Variants in MBNL1 observed in about 807,000 individuals in gnomAD.
MBNL1 encodes muscleblind-like protein 1.
MBNL1 carries 8 observed loss-of-function variants against 42.2 expected under a neutral mutation model. The observed-to-expected ratio is 0.19, with a 90% CI of 0.11 to 0.34. The LOEUF is 0.34. Ranked by LOEUF, MBNL1 falls within the 10% of genes least tolerant of loss-of-function variation. The pLI is 1.00. For synonymous variants in MBNL1, 169 were observed against 173.9 expected (o/e 0.97, Z 0.22); for missense variants, 309 against 495.3 (o/e 0.62, Z 3.57).
chr3:152,259,746 C>A (rs1312867344), intron 2 of MBNL1, among the ~76,000 whole-genome samples: 1 of 152,168 alleles, frequency 6.6e-6, no homozygotes, highest in Admixed American at 6.5e-5. Flanking sequence ...TTTCATGCAA[C>A]TAGTAATAGA....
intron 2 of MBNL1, among the ~76,000 whole-genome samples, chr3:152,250,060 C>A (rs1321694044): frequency 1.3e-5 from 2 of 151,714 alleles, no homozygotes; most frequent in South Asian, 2.1e-4. Flanking sequence ...TGTGATGCCT[C>A]CAGCTTTGTT....
intron 2 of MBNL1, among the ~76,000 whole-genome samples, chr3:152,393,116 C>T (rs1013417318): frequency 6.6e-6 from 1 of 152,178 alleles, no homozygotes; most frequent in African/African-American, 2.4e-5. Flanking sequence ...TGTTCTCTCA[C>T]CCAGCCCTCC....
chr3:152,379,220 G>C (rs2097070013), intron 2 of MBNL1, among the ~76,000 whole-genome samples: 1 of 152,122 alleles, frequency 6.6e-6, no homozygotes, highest in Non-Finnish European at 1.5e-5. Context: ...CAAATTGATA[G>C]ACTCTACACT....
At chr3:152,298,668 C>G (rs2059602327) in intron 1 of MBNL1, among the ~76,000 whole-genome samples, 1 of 152,170 alleles carries the variant, frequency 6.6e-6, no homozygotes, top group Admixed American at 6.5e-5. Flanking sequence ...GACAAAGTGT[C>G]TGCGGGCTCA....
At chr3:152,452,139 A>G (rs370043804) in intron 6 of MBNL1, among the ~76,000 whole-genome samples, 9 of 152,210 alleles carry the variant, frequency 5.9e-5, no homozygotes, top group East Asian at 3.8e-4. Context: ...TGTCTTTTCA[A>G]ATTTCGATAT....
chr3:152,457,370 A>G (rs1735706697), intron 8 of MBNL1, among the ~76,000 whole-genome samples: 1 of 152,256 alleles, frequency 6.6e-6, no homozygotes, highest in African/African-American at 2.4e-5. Flanking sequence ...GTGTCAGATG[A>G]AAATGAACAT....
rs564972213 is a variant in MBNL1, at chr3:152,398,218, A to G, written c.175-16723A>G. On this transcript the variant is annotated intron_variant, in intron 2 of 9. Coordinates refer to ENST00000324210, the MANE Select transcript of MBNL1 (RefSeq NM_021038.5). ...GAGACTGGGCCCTATTTTGGATAAC[A>G]TAGAACTTAGTCACTCAATTATGAT... Among the ~76,000 whole-genome samples, 29 of 152,274 alleles carry G rather than the reference A, an allele frequency of 1.9e-4. 1 individual carries two copies. The South Asian group carries it at 5.0e-3, about 26-fold the overall frequency.
At chr3:152,382,740 T>C (rs1387085488) in intron 2 of MBNL1, among the ~76,000 whole-genome samples, 1 of 152,164 alleles carries the variant, frequency 6.6e-6, no homozygotes, top group Non-Finnish European at 1.5e-5. Flanking sequence ...TTTACACTGG[T>C]TGCCCTAGCA....
chr3:152,256,413 C>G (rs2035452368), intron 2 of MBNL1, among the ~76,000 whole-genome samples: 1 of 152,136 alleles, frequency 6.6e-6, no homozygotes, highest in Non-Finnish European at 1.5e-5. Context: ...ACAGAAACAA[C>G]TATATTTTAG....
intron 3 of MBNL1, among the ~76,000 whole-genome samples, chr3:152,419,850 T>C (rs745926938): frequency 1.1e-4 from 16 of 152,138 alleles, no homozygotes; most frequent in Non-Finnish European, 2.1e-4. Context: ...CCCAACAAGC[T>C]AAGATCCTGC....
chr3:152,424,622 A>G (rs1322491201), intron 3 of MBNL1, among the ~76,000 whole-genome samples: 1 of 152,198 alleles, frequency 6.6e-6, no homozygotes, highest in Non-Finnish European at 1.5e-5. Context: ...TGTATAGCCA[A>G]GACAATCCTA....
upstream of MBNL1, chr3:152,264,906 AT>A (rs1204443583): frequency 7.9e-5 from 12 of 152,168 alleles, no homozygotes; most frequent in African/African-American, 2.9e-4. Context: ...AATATATTGT[AT>A]TATATATCAA....
At chr3:152,343,590 A>G (rs1443004404) in intron 2 of MBNL1, among the ~76,000 whole-genome samples, 2 of 152,156 alleles carry the variant, frequency 1.3e-5, no homozygotes, top group African/African-American at 4.8e-5. Flanking sequence ...CCAAGCCATC[A>G]AAGGGGTTAG....
intron 2 of MBNL1, chr3:152,396,045 G>A (rs567336648): frequency 2.9e-4 from 48 of 162,824 alleles, no homozygotes; most frequent in Admixed American, 1.5e-3. Context: ...CAGTGACAAC[G>A]TGTTGGATTC....
intron 8 of MBNL1, 124 bp downstream of exon 8, chr3:152,456,485 G>A: frequency 1.3e-6 from 1 of 760,092 alleles, no homozygotes; most frequent in South Asian, 1.5e-5. Context: ...GGGCTGTAGA[G>A]GGTGCTTTAA....
chr3:152,354,051 C>T lies in MBNL1; in HGVS notation c.174+53684C>T, dbSNP rs114423210. Reference sequence around the variant, plus strand: ...ACAAAGTTGTTGTTCAAAGTATAATCAAGAGTCAGGCATCCAATTGAGGTC... The same window carrying T: ...ACAAAGTTGTTGTTCAAAGTATAATTAAGAGTCAGGCATCCAATTGAGGTC... On this transcript the variant is annotated intron_variant, in intron 2 of 9. Transcript: ENST00000324210. Among the ~76,000 whole-genome samples, 337 of 152,238 alleles carry T rather than the reference C, an allele frequency of 2.2e-3. 1 individual carries two copies. Among genetic ancestry groups the T allele is most frequent in the African/African-American group, 7.6e-3 (314 of 41,520 alleles).
chr3:152,422,268 CA>C (rs200584264), intron 3 of MBNL1, among the ~76,000 whole-genome samples: 6,212 of 102,970 alleles, frequency 0.06, 403 homozygotes, highest in East Asian at 0.35. Context: ...AAATGGAAAG[CA>C]AAAAAAAAAA....
intron 2 of MBNL1, among the ~76,000 whole-genome samples, chr3:152,383,116 C>A (rs1288575313): frequency 6.6e-6 from 1 of 152,052 alleles, no homozygotes; most frequent in Non-Finnish European, 1.5e-5. Flanking sequence ...CCTTTCATTA[C>A]CTACTAAAAC....
At chr3:152,298,911 C>T (rs539507272) in intron 1 of MBNL1, 11 of 152,106 alleles carry the variant, frequency 7.2e-5, no homozygotes, top group Non-Finnish European at 1.5e-4. Flanking sequence ...CTTTTTATTC[C>T]CTGGTAATGA....
Sources: allele counts gnomAD v4.1 joint callset (sites outside exome capture counted in the v4.1 genomes callset), GRCh38; gene constraint gnomAD v4.1.1; transcripts MANE v1.5; gene names NCBI Gene and HGNC (gene_info 2026-07-23, HGNC 2026-07-21).